PRKCI: variants seen among roughly 807,000 people sequenced by gnomAD.
The protein encoded by PRKCI is protein kinase C iota.
In PRKCI, 43 loss-of-function variants were observed where a neutral mutation model predicts 84.0. The ratio of observed to expected loss-of-function variants is 0.51; its 90% CI spans 0.40 to 0.66. The LOEUF is 0.66. PRKCI is among the 30% of genes least tolerant of loss of function. PRKCI has a pLI of 0.00. For synonymous variants in PRKCI, 216 were observed against 234.4 expected (o/e 0.92, Z 0.72); for missense variants, 459 against 745.6 (o/e 0.62, Z 4.48).
At chr3:170,270,683 T>C (rs940046344) in intron 6 of PRKCI, 122 bp downstream of exon 6, 20 of 1,226,574 alleles carry the variant, frequency 1.6e-5, no homozygotes, top group Non-Finnish European at 2.1e-5. Context: ...AGCTACAGAG[T>C]ATGGGGAGGA....
chr3:170,286,683 C>CT (rs369215371), intron 12 of PRKCI, among the ~76,000 whole-genome samples: 150 of 151,380 alleles, frequency 9.9e-4, no homozygotes, highest in African/African-American at 3.5e-3. Context: ...GTAATTCTGC[C>CT]CTTGGATATT....
chr3:170,281,644 C>T, intron 10 of PRKCI: 1 of 462,666 alleles, frequency 2.2e-6, no homozygotes, highest in Non-Finnish European at 3.7e-6. Flanking sequence ...ATGAGTGGCT[C>T]TGGATTGCAA....
At chr3:170,230,961 T>G (rs535697106) in intron 1 of PRKCI, among the ~76,000 whole-genome samples, 8 of 148,364 alleles carry the variant, frequency 5.4e-5, no homozygotes, top group East Asian at 4.1e-4. Context: ...TTTTTTTTTT[T>G]TGTTTTTTTT....
rs1382353227 is a variant in PRKCI at position 170,271,111 on chromosome 3, G to A, written c.591+550G>A. The stretch of plus-strand genomic sequence containing the variant: ...TCCACATATATTCTACCATGTAAAG[G>A]TAATTGTCATTTGGTGGATATCCTT... On this transcript the variant is annotated intron_variant, in intron 6 of 17. Coordinates refer to ENST00000295797, the MANE Select transcript of PRKCI (RefSeq NM_002740.6). Among the ~76,000 whole-genome samples, 3 of 152,018 alleles carry A rather than the reference G, an allele frequency of 2.0e-5. No individual in the cohort carries two copies. In the East Asian group the frequency reaches 5.8e-4, roughly 29 times the overall value.
intron 8 of PRKCI, among the ~76,000 whole-genome samples, chr3:170,278,013 G>T (rs1037773322): frequency 3.9e-5 from 6 of 152,114 alleles, no homozygotes; most frequent in African/African-American, 1.4e-4. Flanking sequence ...GATCCACTCA[G>T]TTTTTCTTTG....
chr3:170,298,661 C>A (rs2108868201), intron 16 of PRKCI, among the ~76,000 whole-genome samples: 1 of 152,268 alleles, frequency 6.6e-6, no homozygotes, highest in Middle Eastern at 3.4e-3. Context: ...GCACCTTGGC[C>A]TCCCAAAGTG....
At chr3:170,300,908 CAT>C (rs1185596376) in intron 17 of PRKCI, among the ~76,000 whole-genome samples, 1 of 152,122 alleles carries the variant, frequency 6.6e-6, no homozygotes, top group African/African-American at 2.4e-5. Flanking sequence ...ACTTTCCTCT[CAT>C]GTGTTTTCCC....
chr3:170,279,105 G>GTGACCTGCCTGGTCA (rs1273686056), intron 8 of PRKCI, among the ~76,000 whole-genome samples: 1 of 152,124 alleles, frequency 6.6e-6, no homozygotes, highest in Admixed American at 6.6e-5. Context: ...ACAGCTCACT[G>GTGACCTGCCTGGTCA]CAACCTTGAC....
chr3:170,299,909 G>A (rs1734783201), intron 17 of PRKCI, among the ~76,000 whole-genome samples: 1 of 152,114 alleles, frequency 6.6e-6, no homozygotes, highest in Non-Finnish European at 1.5e-5. Flanking sequence ...TAAAGCTCTT[G>A]TATTGCCAAA....
In PRKCI at chr3:170,222,613, G is replaced by A. The variant is rs995695184; in HGVS notation, c.-57G>A. 1.3e-4 allele frequency: 188 copies of A among 1,442,780 alleles called. No individual in the cohort carries two copies. Among genetic ancestry groups the A allele is most frequent in the Non-Finnish European group, 1.6e-4 (174 of 1,074,834 alleles). 89.4% of individuals were successfully genotyped at this position (1,442,780 alleles called of 1,614,324 possible). ...CGCAGGCGGCGGAGTCCCCCACGGC[G>A]CCCGAAGCGCCCCCCCGCACCCCCG... On this transcript the variant is annotated 5_prime_UTR_variant, in exon 1 of 18. Coordinates refer to ENST00000295797, the MANE Select transcript of PRKCI (RefSeq NM_002740.6).
At chr3:170,271,741 C>G in intron 6 of PRKCI, among the ~76,000 whole-genome samples, 1 of 152,032 alleles carries the variant, frequency 6.6e-6, no homozygotes, top group East Asian at 1.9e-4. Context: ...TGATTAGATT[C>G]TGGGGTTGGT....
At chr3:170,242,445 GA>G (rs1171633135) in intron 2 of PRKCI, among the ~76,000 whole-genome samples, 1 of 146,664 alleles carries the variant, frequency 6.8e-6, no homozygotes, top group Admixed American at 6.7e-5. Context: ...CATCTCAAAA[GA>G]AAAAAGAAAA....
chr3:170,260,063 G>A lies in PRKCI; in HGVS notation c.313+5G>A, dbSNP rs1292667999. On this transcript the variant is annotated splice_donor_5th_base_variant and intron_variant, in intron 3 of 17. Transcript: ENST00000295797. Reference sequence around the variant, plus strand: ...ATTCTGAACTCTTGATTCATGGTAAGAGAGTAGTCATTTCATACTCGTCCA... The same window carrying A: ...ATTCTGAACTCTTGATTCATGGTAAAAGAGTAGTCATTTCATACTCGTCCA... The A allele has an allele frequency of 6.3e-7, 1 of 1,582,810 alleles. No individual in the cohort carries two copies. The highest frequency in any genetic ancestry group is 8.7e-7 in the Non-Finnish European group (1 of 1,155,536).
chr3:170,289,794 C>A (rs1319111335), intron 12 of PRKCI, among the ~76,000 whole-genome samples: 1 of 152,152 alleles, frequency 6.6e-6, no homozygotes, highest in African/African-American at 2.4e-5. Flanking sequence ...TATCTGTAAT[C>A]CCAGCTACTT....
At chr3:170,296,796 C>A (rs890332052) in intron 15 of PRKCI, among the ~76,000 whole-genome samples, 2 of 152,138 alleles carry the variant, frequency 1.3e-5, no homozygotes, top group Admixed American at 1.3e-4. Flanking sequence ...GGAACATATT[C>A]TCATTCATAG....
At chr3:170,239,553 G>A (rs573332561) in intron 2 of PRKCI, among the ~76,000 whole-genome samples, 5 of 152,192 alleles carry the variant, frequency 3.3e-5, no homozygotes, top group African/African-American at 1.2e-4. Context: ...TTAGTTTAGC[G>A]ATAGTCCATT....
intron 3 of PRKCI, among the ~76,000 whole-genome samples, chr3:170,262,463 G>A (rs189149834): frequency 2.4e-4 from 36 of 152,106 alleles, no homozygotes; most frequent in African/African-American, 8.4e-4. Context: ...TGATGCATTG[G>A]TTTTTTTGTT....
At chr3:170,234,633 A>G (rs773254364) in intron 1 of PRKCI, among the ~76,000 whole-genome samples, 9 of 152,162 alleles carry the variant, frequency 5.9e-5, no homozygotes, top group Non-Finnish European at 1.0e-4. Context: ...TCTCAACCCT[A>G]TGCCCTCATA....
chr3:170,222,719 G>A lies in PRKCI; in HGVS notation c.50G>A (p.Gly17Asp). 6.2e-7 allele frequency: 1 copy of A among 1,611,056 alleles called. No homozygotes were observed. The highest frequency in any genetic ancestry group is 1.7e-4 in the Middle Eastern group (1 of 5,808). ...ACCATGTCCCACACGGTCGCAGGCGGCGGCAGCGGGGACCATTCCCACCAG... is the reference window on the plus strand; with the variant it reads ...ACCATGTCCCACACGGTCGCAGGCGACGGCAGCGGGGACCATTCCCACCAG... Reference protein sequence around the residue: ...SSTMSHTVAGGGSGDHSHQVR... With the variant: ...SSTMSHTVAGDGSGDHSHQVR... The change falls in exon 1 of 18, where the codon GGC becomes GAC. Residue 17 changes from glycine to aspartate, a missense_variant. By Grantham distance (94) the Gly-to-Asp change is moderately conservative (BLOSUM62 -1). Coordinates refer to ENST00000295797, the MANE Select transcript of PRKCI (RefSeq NM_002740.6).
Sources: allele counts gnomAD v4.1 joint callset (sites outside exome capture counted in the v4.1 genomes callset), GRCh38; gene constraint gnomAD v4.1.1; transcripts MANE v1.5; gene names NCBI Gene and HGNC (gene_info 2026-07-23, HGNC 2026-07-21).